MARCHF1: variants seen among roughly 807,000 people sequenced by gnomAD.
MARCHF1 encodes E3 ubiquitin-protein ligase MARCHF1.
MARCHF1 carries 40 observed loss-of-function variants against 54.2 expected under a neutral mutation model. The ratio of observed to expected loss-of-function variants is 0.74; its 90% CI spans 0.57 to 0.96. The LOEUF (loss-of-function observed/expected upper bound fraction) is 0.96. MARCHF1 is among the 40% of genes least tolerant of loss of function. MARCHF1 has a pLI of 0.00. For synonymous variants in MARCHF1, 236 were observed against 236.3 expected (o/e 1.00, Z 0.01); for missense variants, 586 against 656.5 (o/e 0.89, Z 1.17).
chr4:163,630,668 A>T (rs10026057), intron 5 of MARCHF1, among the ~76,000 whole-genome samples: 3,981 of 152,268 alleles, frequency 0.026, 164 homozygotes, highest in African/African-American at 0.089. Context: ...GAAAAAACAG[A>T]CCGGAAGCTA....
intron 3 of MARCHF1, among the ~76,000 whole-genome samples, chr4:163,923,330 T>G (rs947573141): frequency 6.6e-6 from 1 of 152,148 alleles, no homozygotes; most frequent in Non-Finnish European, 1.5e-5. Context: ...AAGATGAGTA[T>G]CACCACCTTC....
intron 4 of MARCHF1, among the ~76,000 whole-genome samples, chr4:163,730,472 T>C (rs931422952): frequency 2.6e-5 from 4 of 152,154 alleles, no homozygotes; most frequent in African/African-American, 9.6e-5. Context: ...CTGATTGTTT[T>C]GTTGAAAAGC....
At chr4:163,759,723 A>C (rs1746778027) in intron 4 of MARCHF1, among the ~76,000 whole-genome samples, 1 of 152,144 alleles carries the variant, frequency 6.6e-6, no homozygotes, top group South Asian at 2.1e-4. Context: ...TTTTTAAAAG[A>C]CTTTTTTCTT....
chr4:164,132,560 G>A lies in MARCHF1; in HGVS notation c.-322-20898C>T, dbSNP rs370223668. Among the ~76,000 whole-genome samples the A allele has an allele frequency of 4.6e-5, 7 of 152,026 alleles. No homozygotes were observed. In the East Asian group the frequency reaches 1.3e-3, roughly 29 times the overall value. ...AATGCAGTTATTTAGTTAAGATGGC[G>A]ACTGCAAGTTCTGGCTATTTTAAGC... is the stretch of plus-strand genomic sequence containing the variant. On this transcript the variant is annotated intron_variant, in intron 1 of 9. Coordinates refer to ENST00000514618, the MANE Select transcript of MARCHF1 (RefSeq NM_001394959.1).
intron 2 of MARCHF1, among the ~76,000 whole-genome samples, chr4:163,999,697 C>T (rs1157359545): frequency 1.3e-5 from 2 of 151,390 alleles, no homozygotes; most frequent in African/African-American, 2.4e-5. Flanking sequence ...ACATTAATTG[C>T]TATTTATTGA....
intron 3 of MARCHF1, among the ~76,000 whole-genome samples, chr4:163,963,322 A>T (rs920630232): frequency 6.6e-6 from 1 of 151,866 alleles, no homozygotes; most frequent in African/African-American, 2.4e-5. Flanking sequence ...ACCTCCAAAA[A>T]ATTCTTGTTG....
At chr4:164,109,350 G>C (rs186923287) in intron 2 of MARCHF1, among the ~76,000 whole-genome samples, 1 of 150,524 alleles carries the variant, frequency 6.6e-6, no homozygotes, top group South Asian at 2.1e-4. Context: ...TTATTCCTGT[G>C]CTTAAAAACT....
At chr4:163,811,051 C>T (rs1420799877) in intron 4 of MARCHF1, among the ~76,000 whole-genome samples, 1 of 152,072 alleles carries the variant, frequency 6.6e-6, no homozygotes, top group Non-Finnish European at 1.5e-5. Flanking sequence ...ATAATGGAAA[C>T]CTGTCAGTTT....
At chr4:164,218,510 C>T (rs1316470528) in intron 1 of MARCHF1, among the ~76,000 whole-genome samples, 1 of 151,976 alleles carries the variant, frequency 6.6e-6, no homozygotes, top group African/African-American at 2.4e-5. Flanking sequence ...CCATAGAATA[C>T]TATGCAGCCA....
At chr4:163,971,719 AC>A (rs1752550898) in intron 3 of MARCHF1, among the ~76,000 whole-genome samples, 1 of 152,086 alleles carries the variant, frequency 6.6e-6, no homozygotes, top group Non-Finnish European at 1.5e-5. Flanking sequence ...ATAAAACAGA[AC>A]CTTTGTTCCT....
chr4:163,832,317 T>C (rs527296832), intron 4 of MARCHF1, among the ~76,000 whole-genome samples: 1 of 152,252 alleles, frequency 6.6e-6, no homozygotes, highest in East Asian at 1.9e-4. Context: ...TGCTGGCCTT[T>C]TCTCCGTGAG....
At chr4:163,845,085 T>C (rs1417715290) in intron 4 of MARCHF1, among the ~76,000 whole-genome samples, 1 of 152,190 alleles carries the variant, frequency 6.6e-6, no homozygotes, top group East Asian at 1.9e-4. Context: ...TTACCTACTT[T>C]CAGAGTTACT....
chr4:163,866,959 G>A (rs1750065546), intron 3 of MARCHF1, among the ~76,000 whole-genome samples: 1 of 151,840 alleles, frequency 6.6e-6, no homozygotes, highest in East Asian at 1.9e-4. Flanking sequence ...AGCCAGGGAA[G>A]CTCACCTGAG....
intron 1 of MARCHF1, among the ~76,000 whole-genome samples, chr4:164,153,819 A>G (rs1579578835): frequency 1.3e-5 from 2 of 152,166 alleles, no homozygotes; most frequent in East Asian, 3.9e-4. Flanking sequence ...CAAAAGTCAT[A>G]AAAAACAACA....
At chr4:163,949,359 C>T (rs937112556) in intron 3 of MARCHF1, among the ~76,000 whole-genome samples, 5 of 152,172 alleles carry the variant, frequency 3.3e-5, no homozygotes, top group Admixed American at 2.6e-4. Flanking sequence ...ACAGGAACTG[C>T]AAAGCCCCAA....
At chr4:164,029,999 T>C (rs1000643769) in intron 2 of MARCHF1, among the ~76,000 whole-genome samples, 1 of 152,136 alleles carries the variant, frequency 6.6e-6, no homozygotes, top group African/African-American at 2.4e-5. Flanking sequence ...AAGTAAAAAA[T>C]TGACAACAGT....
intron 1 of MARCHF1, among the ~76,000 whole-genome samples, chr4:164,176,732 C>G (rs1433875249): frequency 6.6e-6 from 1 of 151,486 alleles, no homozygotes; most frequent in Non-Finnish European, 1.5e-5. Context: ...GAAATATCAT[C>G]ATTAGATCCA....
At position 163,929,398 on chromosome 4, in the gene MARCHF1, A is replaced by AT. The variant is rs541350843; in HGVS notation, c.-39+59102dup. Among the ~76,000 whole-genome samples, 462 of 152,122 alleles carry AT rather than the reference A, an allele frequency of 3.0e-3. 14 individuals carry two copies. Among genetic ancestry groups the AT allele is most frequent in the East Asian group, 1.2e-3 (6 of 5,190 alleles). On this transcript the variant is annotated intron_variant, in intron 3 of 9. Transcript: ENST00000514618. The stretch of plus-strand genomic sequence containing the variant: ...AAAAATCAATGAAGGTTAGCTACTA[A>AT]TTTTTATCTACAGTTGTATGTACTC...
chr4:164,235,800 C>T (rs1732535825), intron 1 of MARCHF1, among the ~76,000 whole-genome samples: 1 of 152,002 alleles, frequency 6.6e-6, no homozygotes, highest in Non-Finnish European at 1.5e-5. Context: ...ATGTATACTA[C>T]TCGGGTGATG....
Sources: gnomAD v4.1 joint callset for allele counts (sites outside exome capture counted in the v4.1 genomes callset) on GRCh38, gnomAD v4.1.1 for gene constraint, MANE v1.5 for transcripts, NCBI Gene and HGNC (gene_info 2026-07-23, HGNC 2026-07-21) for gene names.